The following TSHZ2 variants were observed in gnomAD, a reference collection of about 807,000 sequenced individuals.
TSHZ2 encodes teashirt zinc finger homeobox 2.
In TSHZ2, 21 loss-of-function variants were observed where a neutral mutation model predicts 74.4. The observed-to-expected ratio is 0.28, with a 90% CI of 0.20 to 0.41. TSHZ2 has a LOEUF of 0.41. TSHZ2 is among the 10% of genes least tolerant of loss of function. The pLI is 1.00. For missense variants in TSHZ2, 1,244 were observed against 1,293.5 expected, an observed-to-expected ratio of 0.96 and a Z score of 0.59; for synonymous variants, 540 against 515.3, an observed-to-expected ratio of 1.05 and a Z score of -0.65.
intron 1 of TSHZ2, among the ~76,000 whole-genome samples, chr20:53,066,757 C>T (rs1985003041): frequency 2.0e-5 from 3 of 152,198 alleles, no homozygotes; most frequent in South Asian, 2.1e-4. Flanking sequence ...CTGCCCGCCT[C>T]GGCCTCCCAA....
chr20:53,340,177 C>CTTTCT (rs1555852081), intron 2 of TSHZ2, among the ~76,000 whole-genome samples: 32 of 94,068 alleles, frequency 3.4e-4, no homozygotes, highest in Non-Finnish European at 6.1e-4. Context: ...ACTTTTCTTT[C>CTTTCT]TTTTTTCTTT....
intron 1 of TSHZ2, among the ~76,000 whole-genome samples, chr20:53,150,872 A>G (rs1019793859): frequency 6.6e-6 from 1 of 152,198 alleles, no homozygotes; most frequent in African/African-American, 2.4e-5. Flanking sequence ...GGGCTGGCTT[A>G]GGTATACTTA....
chr20:53,182,704 C>A (rs992329360), intron 1 of TSHZ2, among the ~76,000 whole-genome samples: 5 of 152,172 alleles, frequency 3.3e-5, no homozygotes, highest in Non-Finnish European at 7.4e-5. Context: ...AAACAACCAA[C>A]TACCAGGAGG....
intron 1 of TSHZ2, among the ~76,000 whole-genome samples, chr20:53,066,917 CAG>C (rs1985009203): frequency 6.6e-6 from 1 of 152,172 alleles, no homozygotes; most frequent in South Asian, 2.1e-4. Context: ...GCGTCTTTTA[CAG>C]AGTGGGGTGC....
At position 53,433,105 on chromosome 20, in the gene TSHZ2, C is replaced by A. The variant is rs534243243; in HGVS notation, c.*9-54039C>A. 1.2e-4 allele frequency among the ~76,000 whole-genome samples: 19 copies of A among 152,286 alleles called. 2 individuals are homozygous for A. In the South Asian group the frequency reaches 3.9e-3, roughly 32 times the overall value. On this transcript the variant is annotated intron_variant, in intron 2 of 2. Coordinates refer to ENST00000371497, the MANE Select transcript of TSHZ2 (RefSeq NM_173485.6). ...GAGCAAATCTTTCTTGGAAACCCAGCAGAATTCTACATGAACCTCCTCAGC... is the reference window on the plus strand; with the variant it reads ...GAGCAAATCTTTCTTGGAAACCCAGAAGAATTCTACATGAACCTCCTCAGC...
chr20:53,087,901 T>C (rs997211287), intron 1 of TSHZ2, among the ~76,000 whole-genome samples: 11 of 152,194 alleles, frequency 7.2e-5, no homozygotes, highest in African/African-American at 2.7e-4. Context: ...TTGGTGATTT[T>C]TGGACTAATG....
chr20:53,486,655 C>A (rs761484280), intron 2 of TSHZ2, among the ~76,000 whole-genome samples: 1 of 152,060 alleles, frequency 6.6e-6, no homozygotes, highest in Non-Finnish European at 1.5e-5. Flanking sequence ...ACAAGTATAG[C>A]GACAAAGCGA....
intron 1 of TSHZ2, among the ~76,000 whole-genome samples, chr20:52,993,550 C>T (rs939354969): frequency 8.5e-5 from 13 of 152,182 alleles, no homozygotes; most frequent in African/African-American, 2.7e-4. Context: ...TGCCAGTGCA[C>T]TCTGACAAAT....
At chr20:52,974,281 T>A (rs1403933715) in intron 1 of TSHZ2, among the ~76,000 whole-genome samples, 1 of 152,208 alleles carries the variant, frequency 6.6e-6, no homozygotes, top group East Asian at 1.9e-4. Flanking sequence ...GATTTGACAT[T>A]TGATTGATCA....
intron 1 of TSHZ2, among the ~76,000 whole-genome samples, chr20:53,118,538 G>A (rs963131825): frequency 6.6e-6 from 1 of 152,180 alleles, no homozygotes; most frequent in African/African-American, 2.4e-5. Context: ...ACAGGCAGAG[G>A]GCTCTGGAAC....
chr20:52,973,421 C>T (rs879340927), intron 1 of TSHZ2, 88 bp downstream of exon 1: 11 of 1,492,120 alleles, frequency 7.4e-6, no homozygotes, highest in African/African-American at 2.8e-5. Context: ...GGGGCACCAC[C>T]CACTTAAGCT....
Position 53,253,560 on chromosome 20 carries a change from G to C in TSHZ2, c.102G>C (p.Glu34Asp). The change falls in exon 2 of 3, where the codon GAG (glutamate) becomes GAC (aspartate). Residue 34 changes from glutamate to aspartate, a missense_variant. Physicochemically the swap from Glu to Asp is conservative, Grantham distance 45 (BLOSUM62 2). Coordinates refer to ENST00000371497, the MANE Select transcript of TSHZ2 (RefSeq NM_173485.6). ...AAATAAAAGAAGAGGAGGAGGAGGA[G>C]GACAGCGGTTCAGTAGCTCAACTGC... is the stretch of plus-strand genomic sequence containing the variant. ...EEEIKEEEEE[E>D]DSGSVAQLQG... The C allele has an allele frequency of 6.2e-7, 1 of 1,613,808 alleles. No homozygotes were observed. The highest frequency in any genetic ancestry group is 8.5e-7 in the Non-Finnish European group (1 of 1,179,858).
At chr20:52,973,434 C>A (rs1981206165) in intron 1 of TSHZ2, 101 bp downstream of exon 1, 1 of 1,463,076 alleles carries the variant, frequency 6.8e-7, no homozygotes, top group African/African-American at 1.4e-5. Flanking sequence ...CTTAAGCTTT[C>A]GGGGGAGTTT....
Position 52,977,987 on chromosome 20 carries a change from A to G in TSHZ2, c.40+4654A>G, listed in dbSNP as rs78196357. ...TCTTTATCTCCCAGTTGCCCATTCT[A>G]CTGCTACACTTTGGGAATGCTTAAC... On this transcript the variant is annotated intron_variant, in intron 1 of 2. Coordinates refer to ENST00000371497, the MANE Select transcript of TSHZ2 (RefSeq NM_173485.6). Among the ~76,000 whole-genome samples, 1,371 of 152,236 alleles carry G rather than the reference A, an allele frequency of 9.0e-3. 27 individuals carry two copies. The highest frequency in any genetic ancestry group is 0.031 in the African/African-American group (1,303 of 41,530).
chr20:53,041,944 C>A (rs1176628277), intron 1 of TSHZ2, among the ~76,000 whole-genome samples: 1 of 152,120 alleles, frequency 6.6e-6, no homozygotes, highest in African/African-American at 2.4e-5. Flanking sequence ...TCCAGGAAAT[C>A]TGATTATGGT....
At chr20:53,378,600 A>G (rs1981746199) in intron 2 of TSHZ2, among the ~76,000 whole-genome samples, 1 of 152,312 alleles carries the variant, frequency 6.6e-6, no homozygotes, top group South Asian at 2.1e-4. Flanking sequence ...CAGGAGTTCA[A>G]TGGCTTCATC....
chr20:53,017,959 A>G (rs1010537147), intron 1 of TSHZ2, among the ~76,000 whole-genome samples: 1 of 152,224 alleles, frequency 6.6e-6, no homozygotes, highest in African/African-American at 2.4e-5. Flanking sequence ...CAATAAAATC[A>G]TGGAACTTAC....
chr20:53,492,003 T>G lies in TSHZ2; in HGVS notation c.*4868T>G, dbSNP rs1292649595. On this transcript the variant is annotated 3_prime_UTR_variant, in exon 3 of 3. Transcript: ENST00000371497. ...TTTTAGAAGTACAAGTAATAACTTT[T>G]TGATAAGAAACCCCAGGAGAAACTT... 1 of 150,788 alleles carries G rather than the reference T, an allele frequency of 6.6e-6. No individual in the cohort carries two copies. The highest frequency in any genetic ancestry group is 2.4e-5 in the African/African-American group (1 of 41,012). The allele number at this position is 150,788 out of a possible 1,614,324, so 9.3% of individuals were successfully genotyped here.
intron 2 of TSHZ2, among the ~76,000 whole-genome samples, chr20:53,308,610 C>A (rs568496191): frequency 6.6e-6 from 1 of 152,248 alleles, no homozygotes; most frequent in African/African-American, 2.4e-5. Context: ...ATAAAACTTA[C>A]AAGTTTGAAA....
Sources: allele counts gnomAD v4.1 joint callset (sites outside exome capture counted in the v4.1 genomes callset), GRCh38; gene constraint gnomAD v4.1.1; transcripts MANE v1.5; gene names NCBI Gene and HGNC (gene_info 2026-07-23, HGNC 2026-07-21).